Variants in AUTS2 observed in about 807,000 individuals in gnomAD.
AUTS2 encodes activator of transcription and developmental regulator AUTS2, also known as autism susceptibility gene 2 protein.
Under a neutral mutation model 112.4 loss-of-function variants are expected in AUTS2, and 17 were observed. The observed-to-expected ratio is 0.15, with a 90% CI of 0.10 to 0.23. AUTS2 has a LOEUF of 0.23. Among genes scored for constraint, AUTS2 ranks in the 10% least tolerant of loss-of-function variants. The pLI, the probability that AUTS2 is intolerant of heterozygous loss-of-function variation, is 1.00. For missense variants in AUTS2, 1,510 were observed against 1,701.6 expected (o/e 0.89, Z 1.98); for synonymous variants, 751 against 702.7 (o/e 1.07, Z -1.09).
chr7:69,883,978 C>G (rs1350222861), intron 1 of AUTS2, among the ~76,000 whole-genome samples: 1 of 152,174 alleles, frequency 6.6e-6, no homozygotes, highest in Non-Finnish European at 1.5e-5. Flanking sequence ...TCAATAAATC[C>G]TTCTGGGATG....
At chr7:70,699,836 T>C (rs1241793170) in intron 6 of AUTS2, among the ~76,000 whole-genome samples, 1 of 152,150 alleles carries the variant, frequency 6.6e-6, no homozygotes, top group Non-Finnish European at 1.5e-5. Context: ...TGTGTAAAAA[T>C]GCACAATTGT....
intron 2 of AUTS2, among the ~76,000 whole-genome samples, chr7:69,998,174 A>G (rs1035129833): frequency 1.3e-5 from 2 of 152,108 alleles, no homozygotes; most frequent in East Asian, 3.9e-4. Flanking sequence ...CTCTGTAGAA[A>G]TGGTGATGAT....
chr7:70,588,987 G>A (rs1003439585), intron 5 of AUTS2, among the ~76,000 whole-genome samples: 6 of 152,034 alleles, frequency 3.9e-5, no homozygotes, highest in Non-Finnish European at 7.4e-5. Context: ...ATATATCAGG[G>A]GTTACAAAGC....
chr7:70,528,255 C>G (rs748358265), intron 5 of AUTS2, among the ~76,000 whole-genome samples: 46 of 149,128 alleles, frequency 3.1e-4, no homozygotes, highest in Non-Finnish European at 5.0e-4. Context: ...AGAAGAAATT[C>G]TAAAATCTGA....
At chr7:70,625,094 G>A (rs951486672) in intron 5 of AUTS2, among the ~76,000 whole-genome samples, 1 of 151,966 alleles carries the variant, frequency 6.6e-6, no homozygotes, top group African/African-American at 2.4e-5. Context: ...CATCTTTCAC[G>A]TTCTAGGACT....
chr7:70,482,266 A>G (rs192459640), intron 5 of AUTS2, among the ~76,000 whole-genome samples: 1 of 152,172 alleles, frequency 6.6e-6, no homozygotes, highest in East Asian at 1.9e-4. Context: ...AGGCCCCCAT[A>G]GTCCTACTCC....
At chr7:70,018,338 A>AT (rs1800124308) in intron 2 of AUTS2, among the ~76,000 whole-genome samples, 1 of 152,134 alleles carries the variant, frequency 6.6e-6, no homozygotes, top group Admixed American at 6.6e-5. Flanking sequence ...TGGATCAATC[A>AT]TTTAAAAAAA....
intron 1 of AUTS2, among the ~76,000 whole-genome samples, chr7:69,618,256 G>A (rs1793482709): frequency 6.6e-6 from 1 of 152,142 alleles, no homozygotes; most frequent in African/African-American, 2.4e-5. Flanking sequence ...TTTTAAGATG[G>A]TTCTAGGTAG....
In AUTS2 at chr7:70,676,458, G is replaced by A. The variant is rs552469850; in HGVS notation, c.691-22111G>A. Among the ~76,000 whole-genome samples the A allele has an allele frequency of 3.9e-5, 6 of 152,078 alleles. No homozygotes were observed. In the South Asian group the frequency reaches 6.2e-4, roughly 16 times the overall value. On this transcript the variant is annotated intron_variant, in intron 5 of 18. Coordinates refer to ENST00000342771, the MANE Select transcript of AUTS2 (RefSeq NM_015570.4). ...AAAAATAAAGAGAGAGAGAGAGAGA[G>A]AAAAGATGTAGACAGAGAGAGTGAG...
chr7:70,435,726 C>A (rs1280149028), intron 4 of AUTS2, 26 bp from the exon 5 acceptor site: 3 of 1,613,680 alleles, frequency 1.9e-6, no homozygotes, highest in Non-Finnish European at 2.5e-6. Context: ...TTGCACTAAC[C>A]CTTATTCTCT....
intron 4 of AUTS2, among the ~76,000 whole-genome samples, chr7:70,174,390 T>G (rs1049114166): frequency 6.6e-5 from 10 of 152,196 alleles, no homozygotes; most frequent in Non-Finnish European, 1.2e-4. Context: ...AACAGAAAAC[T>G]GCAGGGTGAA....
rs189451395 is a variant in AUTS2 at position 70,185,159 on chromosome 7, T to C, written c.660+50588T>C. On this transcript the variant is annotated intron_variant, in intron 4 of 18. Coordinates refer to ENST00000342771, the MANE Select transcript of AUTS2 (RefSeq NM_015570.4). ...TTCACTAGAGCACTGTGGGAACTTA[T>C]TTGCAACACCCTTGGCATCTCTCTT... 2.4e-4 allele frequency among the ~76,000 whole-genome samples: 36 copies of C among 152,214 alleles called. No homozygotes were observed. In the East Asian group the frequency reaches 5.8e-3, roughly 24 times the overall value.
At chr7:70,294,736 A>C (rs1357803978) in intron 4 of AUTS2, among the ~76,000 whole-genome samples, 1 of 152,196 alleles carries the variant, frequency 6.6e-6, no homozygotes, top group Admixed American at 6.5e-5. Flanking sequence ...ATAATAGACA[A>C]GGCCTGTCTT....
At chr7:70,458,972 C>T (rs745610992) in intron 5 of AUTS2, among the ~76,000 whole-genome samples, 4 of 152,210 alleles carry the variant, frequency 2.6e-5, no homozygotes, top group Non-Finnish European at 5.9e-5. Flanking sequence ...ACTCCCGACC[C>T]GGGCCTCCTC....
At chr7:69,653,844 C>T (rs970231464) in intron 1 of AUTS2, among the ~76,000 whole-genome samples, 4 of 152,096 alleles carry the variant, frequency 2.6e-5, no homozygotes, top group Non-Finnish European at 5.9e-5. Flanking sequence ...CTGCATCAGC[C>T]CAGCTTTGTT....
chr7:70,231,005 A>G (rs1465182056), intron 4 of AUTS2, among the ~76,000 whole-genome samples: 1 of 152,232 alleles, frequency 6.6e-6, no homozygotes, highest in East Asian at 1.9e-4. Flanking sequence ...ACCGCACTAA[A>G]GTGCTATAGA....
chr7:70,649,732 G>A (rs111389863), intron 5 of AUTS2, among the ~76,000 whole-genome samples: 28,545 of 151,982 alleles, frequency 0.19, 3,319 homozygotes, highest in East Asian at 0.37. Context: ...CCTTCACCAT[G>A]TTGGCCAGGC....
At chr7:70,422,834 T>C (rs982884194) in intron 4 of AUTS2, among the ~76,000 whole-genome samples, 6 of 152,204 alleles carry the variant, frequency 3.9e-5, no homozygotes, top group Non-Finnish European at 7.4e-5. Flanking sequence ...CTACCACACT[T>C]TCAGATCTTT....
intron 4 of AUTS2, among the ~76,000 whole-genome samples, chr7:70,390,528 T>A (rs2129725491): frequency 6.6e-6 from 1 of 152,168 alleles, no homozygotes; most frequent in Non-Finnish European, 1.5e-5. Flanking sequence ...ACTTTGAGAA[T>A]AAAACCTGAG....
Sources: gnomAD v4.1 joint callset for allele counts (sites outside exome capture counted in the v4.1 genomes callset) on GRCh38, gnomAD v4.1.1 for gene constraint, MANE v1.5 for transcripts, NCBI Gene and HGNC (gene_info 2026-07-23, HGNC 2026-07-21) for gene names.